AGBL4: variants seen among roughly 807,000 people sequenced by gnomAD.
The protein encoded by AGBL4 is AGBL carboxypeptidase 4.
In AGBL4, 58 loss-of-function variants were observed where a neutral mutation model predicts 66.4. The observed-to-expected ratio is 0.87, with a 90% CI of 0.71 to 1.09. The LOEUF is 1.09. Ranked by LOEUF, AGBL4 falls within the 50% of genes least tolerant of loss-of-function variation. The pLI, the probability that AGBL4 is intolerant of heterozygous loss-of-function variation, is 0.00. For synonymous variants in AGBL4, 234 were observed against 222.9 expected (o/e 1.05, Z -0.44); for missense variants, 579 against 631.0 (o/e 0.92, Z 0.88).
chr1:49,739,538 T>A (rs1203046158), intron 2 of AGBL4, among the ~76,000 whole-genome samples: 1 of 152,112 alleles, frequency 6.6e-6, no homozygotes, highest in Admixed American at 6.5e-5. Context: ...ACATTCAGAT[T>A]CAGGAAATAC....
chr1:49,656,422 C>CA (rs1218997273), intron 3 of AGBL4, among the ~76,000 whole-genome samples: 37 of 152,012 alleles, frequency 2.4e-4, no homozygotes, highest in African/African-American at 8.9e-4. Flanking sequence ...AATTCTACCA[C>CA]AGGTACAAGG....
At chr1:48,760,384 T>C (rs1205082731) in intron 6 of AGBL4, among the ~76,000 whole-genome samples, 1 of 152,158 alleles carries the variant, frequency 6.6e-6, no homozygotes. Flanking sequence ...TTCAGGAAAT[T>C]TAAGGAAAAC....
At chr1:48,698,925 G>C (rs930083959) in intron 6 of AGBL4, among the ~76,000 whole-genome samples, 1 of 152,206 alleles carries the variant, frequency 6.6e-6, no homozygotes, top group Non-Finnish European at 1.5e-5. Context: ...ACTGCTAGCT[G>C]CCCTTAGAAG....
intron 6 of AGBL4, among the ~76,000 whole-genome samples, chr1:48,816,919 G>A (rs1006837710): frequency 3.9e-5 from 6 of 152,186 alleles, no homozygotes; most frequent in African/African-American, 1.4e-4. Flanking sequence ...GCAAGGAGGG[G>A]CTTAGAGAAT....
intron 5 of AGBL4, among the ~76,000 whole-genome samples, chr1:49,013,880 T>G (rs1662630899): frequency 6.6e-6 from 1 of 152,214 alleles, no homozygotes; most frequent in Non-Finnish European, 1.5e-5. Flanking sequence ...CTTTCATGCT[T>G]TGAGATTTAA....
At chr1:49,411,000 G>C (rs929419880) in intron 3 of AGBL4, among the ~76,000 whole-genome samples, 12 of 152,172 alleles carry the variant, frequency 7.9e-5, no homozygotes, top group Admixed American at 5.9e-4. Flanking sequence ...ATATATGCAA[G>C]GGAGTTTATT....
intron 5 of AGBL4, among the ~76,000 whole-genome samples, chr1:48,961,372 T>G (rs6703207): frequency 0.022 from 3,372 of 152,328 alleles, 128 homozygotes; most frequent in African/African-American, 0.074. Flanking sequence ...CACTGTTAGC[T>G]GAATCAATAC....
intron 5 of AGBL4, among the ~76,000 whole-genome samples, chr1:48,996,827 C>CTTCA (rs1210513205): frequency 6.6e-6 from 1 of 151,246 alleles, no homozygotes; most frequent in Non-Finnish European, 1.5e-5. Context: ...CCCTTCCTTC[C>CTTCA]TTCCTTCCTT....
intron 2 of AGBL4, among the ~76,000 whole-genome samples, chr1:49,831,658 G>A (rs986973900): frequency 6.6e-6 from 1 of 152,140 alleles, no homozygotes; most frequent in Non-Finnish European, 1.5e-5. Context: ...TTGAATAGGA[G>A]TGGTGAGAGA....
intron 3 of AGBL4, among the ~76,000 whole-genome samples, chr1:49,553,213 T>A (rs1054855810): frequency 6.6e-6 from 1 of 152,216 alleles, no homozygotes; most frequent in African/African-American, 2.4e-5. Flanking sequence ...CAATATAGAT[T>A]GTACGATGGC....
At chr1:48,649,269 AT>A (rs781628256) in intron 8 of AGBL4, among the ~76,000 whole-genome samples, 64 of 152,214 alleles carry the variant, frequency 4.2e-4, no homozygotes, top group Non-Finnish European at 6.8e-4. Flanking sequence ...GACCCACTAT[AT>A]ATTGCGATCC....
intron 4 of AGBL4, among the ~76,000 whole-genome samples, chr1:49,067,485 C>A (rs575373224): frequency 6.6e-6 from 1 of 152,144 alleles, no homozygotes; most frequent in Admixed American, 6.5e-5. Context: ...TTGTAATACA[C>A]CAAGTTTATT....
At chr1:49,567,280 T>TCACG (rs1644231157) in intron 3 of AGBL4, among the ~76,000 whole-genome samples, 2 of 152,214 alleles carry the variant, frequency 1.3e-5, no homozygotes, top group South Asian at 4.1e-4. Context: ...CTGCTTTGGC[T>TCACG]CACGCACGGT....
intron 2 of AGBL4, chr1:49,844,544 CA>C (rs1390431272): frequency 1.5e-6 from 1 of 663,924 alleles, no homozygotes; most frequent in African/African-American, 1.9e-5. Flanking sequence ...TCCTGGTTTG[CA>C]AAACTATATT....
chr1:48,634,695 A>G (rs1045286013), intron 8 of AGBL4, 91 bp from the exon 9 acceptor site: 1 of 809,090 alleles, frequency 1.2e-6, no homozygotes, highest in African/African-American at 1.7e-5. Flanking sequence ...AGCAGTGATT[A>G]TGTCACTTAC....
At chr1:48,538,844 T>C (rs975873081) in intron 12 of AGBL4, among the ~76,000 whole-genome samples, 3 of 152,142 alleles carry the variant, frequency 2.0e-5, no homozygotes, top group African/African-American at 7.2e-5. Context: ...GAAAGAATGG[T>C]CTGGCAGGAG....
At chr1:48,677,847 T>C (rs1484167090) in intron 6 of AGBL4, among the ~76,000 whole-genome samples, 1 of 152,050 alleles carries the variant, frequency 6.6e-6, no homozygotes. Flanking sequence ...TCCCAACTTT[T>C]TGGGGACACT....
intron 11 of AGBL4, among the ~76,000 whole-genome samples, chr1:48,545,184 C>T (rs1644138817): frequency 1.3e-5 from 2 of 152,174 alleles, no homozygotes; most frequent in South Asian, 4.1e-4. Context: ...CCTTGTAAAT[C>T]AATCCTCTTG....
intron 3 of AGBL4, among the ~76,000 whole-genome samples, chr1:49,327,023 G>A (rs375535457): frequency 6.6e-6 from 1 of 152,076 alleles, no homozygotes; most frequent in African/African-American, 2.4e-5. Flanking sequence ...GTCATCAGCA[G>A]AGCATCTTAA....
Sources: allele counts gnomAD v4.1 joint callset (sites outside exome capture counted in the v4.1 genomes callset), GRCh38; gene constraint gnomAD v4.1.1; transcripts MANE v1.5; gene names NCBI Gene and HGNC (gene_info 2026-07-23, HGNC 2026-07-21).